Variants in PCDHGB7 observed in about 807,000 individuals in gnomAD.
PCDHGB7 encodes the protein protocadherin gamma-B7.
Under a neutral mutation model 61.4 loss-of-function variants are expected in PCDHGB7, and 37 were observed. The observed-to-expected ratio is 0.60, with a 90% CI of 0.46 to 0.79. The LOEUF (loss-of-function observed/expected upper bound fraction) is 0.79, where lower values mean the gene tolerates loss of function less well. Ranked by LOEUF, PCDHGB7 falls within the 30% of genes least tolerant of loss-of-function variation. The probability of loss-of-function intolerance (pLI) is 0.00; values close to 1 mark genes in which losing one functional copy is unlikely to be tolerated. For missense variants in PCDHGB7, 1,166 were observed against 1,202.5 expected, an observed-to-expected ratio of 0.97 and a Z score of 0.45; for synonymous variants, 464 against 503.5, an observed-to-expected ratio of 0.92 and a Z score of 1.05.
chr5:141,430,673 C>A, intron 1 of PCDHGB7: 1 of 1,288,318 alleles, frequency 7.8e-7, no homozygotes, highest in Non-Finnish European at 1.0e-6. Flanking sequence ...TCTGACTTCC[C>A]AACTGTCCCA....
intron 2 of PCDHGB7, among the ~76,000 whole-genome samples, chr5:141,500,775 T>C (rs1251282826): frequency 6.6e-6 from 1 of 152,218 alleles, no homozygotes; most frequent in Non-Finnish European, 1.5e-5. Context: ...CTTATGAATA[T>C]ACATATTATT....
At chr5:141,484,383 A>C (rs968059260) in intron 1 of PCDHGB7, among the ~76,000 whole-genome samples, 1 of 152,194 alleles carries the variant, frequency 6.6e-6, no homozygotes, top group Non-Finnish European at 1.5e-5. Context: ...ATGTCTGAAT[A>C]AGAAAGGTTT....
Position 141,417,801 on chromosome 5 carries a change from G to A in PCDHGB7, c.-59G>A, listed in dbSNP as rs368563336. ...CCTGGGCCGAATGCTCTTTTAGCGC[G>A]GTAGAGTGCACTTTCTCCAACTGGA... is the stretch of plus-strand genomic sequence containing the variant. On this transcript the variant is annotated 5_prime_UTR_variant, in exon 1 of 4. Transcript: ENST00000398594. 2 of 1,490,494 alleles carry A rather than the reference G, an allele frequency of 1.3e-6. No individual in the cohort carries two copies. Among genetic ancestry groups the A allele is most frequent in the South Asian group, 1.4e-5 (1 of 73,800 alleles). 92.3% of individuals were successfully genotyped at this position (1,490,494 alleles called of 1,614,324 possible).
At chr5:141,437,225 T>C (rs943242286) in intron 1 of PCDHGB7, among the ~76,000 whole-genome samples, 2 of 152,240 alleles carry the variant, frequency 1.3e-5, no homozygotes, top group Admixed American at 1.3e-4. Flanking sequence ...ATTCCAGTCA[T>C]AAAATTATGT....
At chr5:141,430,979 C>A (rs370494413) in intron 1 of PCDHGB7, 2 of 1,613,642 alleles carry the variant, frequency 1.2e-6, no homozygotes, top group Non-Finnish European at 1.7e-6. Context: ...TAGGACGCAG[C>A]TTTTCGCCCT....
At position 141,476,458 on chromosome 5, in the gene PCDHGB7, C is replaced by A. The variant is rs368153419; in HGVS notation, c.2416-18349C>A. Reference sequence around the variant, plus strand: ...TAACTCTGGAGTTGGTAGTGGAGAACCCGCTGGAGCTGTTCAGCGTGGAAG... The same window carrying A: ...TAACTCTGGAGTTGGTAGTGGAGAAACCGCTGGAGCTGTTCAGCGTGGAAG... On this transcript the variant is annotated intron_variant, in intron 1 of 3. Transcript: ENST00000398594. This position sits in a 1 kb window ranked among gnomAD's most constrained non-coding sequence, Gnocchi z 7.6. 1 of 1,613,928 alleles carries A rather than the reference C, an allele frequency of 6.2e-7. No individual in the cohort carries two copies. Among genetic ancestry groups the A allele is most frequent in the Non-Finnish European group, 8.5e-7 (1 of 1,180,022 alleles).
At chr5:141,455,789 G>A (rs966897617) in intron 1 of PCDHGB7, among the ~76,000 whole-genome samples, 56 of 152,058 alleles carry the variant, frequency 3.7e-4, no homozygotes, top group African/African-American at 1.3e-3. Context: ...AACTTTTCCG[G>A]AGATGCTTTA....
Position 141,420,006 on chromosome 5 carries a change from G to C in PCDHGB7, c.2147G>C (p.Arg716Pro), listed in dbSNP as rs2096458103. Residue 716 changes from arginine (R) to proline (P), a missense_variant, in exon 1 of 4, where the codon CGA becomes CCA. Coordinates refer to ENST00000398594, the MANE Select transcript of PCDHGB7 (RefSeq NM_018927.4). Reference sequence around the variant, plus strand: ...ATTCTAGCTATTGCTCTACGCCTGCGACAGTCTTTCAGCCCTACTGCAGGA... The same window carrying C: ...ATTCTAGCTATTGCTCTACGCCTGCCACAGTCTTTCAGCCCTACTGCAGGA... ...AVILAIALRL[R>P]QSFSPTAGDC... 2 of 1,613,934 alleles carry C rather than the reference G, an allele frequency of 1.2e-6. No individual in the cohort carries two copies. Among genetic ancestry groups the C allele is most frequent in the Admixed American group, 3.3e-5 (2 of 60,006 alleles).
intron 1 of PCDHGB7, chr5:141,423,228 C>T (rs1321708353): frequency 6.2e-7 from 1 of 1,613,748 alleles, no homozygotes; most frequent in Non-Finnish European, 8.5e-7. Flanking sequence ...CTGTGGCCGA[C>T]AGCATCCCCG....
rs745852942 is a variant in PCDHGB7, at chr5:141,419,311, C to G, written c.1452C>G (p.Asn484Lys). The change falls in exon 1 of 4, where the codon AAC becomes AAG. Residue 484 changes from asparagine (N) to lysine (K), a missense_variant. Transcript: ENST00000398594. Reference protein sequence around the residue: ...VSASDPDFGLNGRVSYSLIAS... With the variant: ...VSASDPDFGLKGRVSYSLIAS... ...CCTCTGACCCAGACTTCGGGCTCAA[C>G]GGCCGTGTCTCCTACTCTCTCATTG... 1 of 1,613,994 alleles carries G rather than the reference C, an allele frequency of 6.2e-7. No homozygotes were observed. Among genetic ancestry groups the G allele is most frequent in the Non-Finnish European group, 8.5e-7 (1 of 1,179,898 alleles).
intron 1 of PCDHGB7, chr5:141,441,810 C>T (rs2098275091): frequency 6.4e-5 from 24 of 372,574 alleles, no homozygotes; most frequent in Middle Eastern, 7.2e-4. Flanking sequence ...GGTGCTGTAC[C>T]CCAGCTCTGG....
chr5:141,494,914 A>G (rs906245656), intron 2 of PCDHGB7, 49 bp downstream of exon 2: 5 of 1,613,708 alleles, frequency 3.1e-6, no homozygotes, highest in Admixed American at 1.7e-5. Context: ...GCATTTTCTC[A>G]GGGATGACGT....
intron 1 of PCDHGB7, among the ~76,000 whole-genome samples, chr5:141,484,045 G>A (rs934525987): frequency 7.9e-5 from 12 of 152,026 alleles, no homozygotes; most frequent in African/African-American, 2.9e-4. Context: ...AGCTCCAAGA[G>A]GTCCCCTGGG....
chr5:141,423,551 A>T, intron 1 of PCDHGB7: 2 of 1,613,616 alleles, frequency 1.2e-6, no homozygotes, highest in Non-Finnish European at 1.7e-6. Context: ...CCCCAGCCCA[A>T]CTATGGGGAC....
chr5:141,488,186 G>T (rs1005725656), intron 1 of PCDHGB7, among the ~76,000 whole-genome samples: 2 of 152,180 alleles, frequency 1.3e-5, no homozygotes, highest in South Asian at 2.1e-4. Context: ...AGATCTTTTG[G>T]TCTGGGTCTT....
chr5:141,478,139 G>C, intron 1 of PCDHGB7: 15 of 1,614,040 alleles, frequency 9.3e-6, no homozygotes, highest in Non-Finnish European at 1.3e-5. Context: ...TGAAGCCCGA[G>C]CCGAGTTCCC....
chr5:141,476,046 C>T lies in PCDHGB7; in HGVS notation c.2416-18761C>T. 6.7e-7 allele frequency: 1 copy of T among 1,491,396 alleles called. No individual in the cohort carries two copies. Among genetic ancestry groups the T allele is most frequent in the Non-Finnish European group, 8.9e-7 (1 of 1,122,928 alleles). 92.4% of individuals were successfully genotyped at this position (1,491,396 alleles called of 1,614,324 possible). On this transcript the variant is annotated intron_variant, in intron 1 of 3. Coordinates refer to ENST00000398594, the MANE Select transcript of PCDHGB7 (RefSeq NM_018927.4). This position sits in a 1 kb window ranked among gnomAD's most constrained non-coding sequence, Gnocchi z 7.6. ...CGGCGCCCAGCGCCCAAGCGCTAAC[C>T]CGCTGAAAGTTTCTCAGCGAAATCT...
intron 2 of PCDHGB7, among the ~76,000 whole-genome samples, chr5:141,502,067 CCTTCACCTGGGG>C (rs1307097799): frequency 6.6e-6 from 1 of 152,172 alleles, no homozygotes; most frequent in Non-Finnish European, 1.5e-5. Flanking sequence ...CCATTAGCCC[CCTTCACCTGGGG>C]CTGAGAACAC....
intron 1 of PCDHGB7, among the ~76,000 whole-genome samples, chr5:141,437,064 G>T (rs1380953110): frequency 6.6e-6 from 1 of 152,170 alleles, no homozygotes; most frequent in Non-Finnish European, 1.5e-5. Flanking sequence ...ATCATTATTT[G>T]GTTTGGGCCA....
Sources: gnomAD v4.1 joint callset for allele counts (sites outside exome capture counted in the v4.1 genomes callset) on GRCh38, gnomAD v4.1.1 for gene constraint, Gnocchi (gnomAD v3.1) non-coding constraint, MANE v1.5 for transcripts, NCBI Gene and HGNC (gene_info 2026-07-23, HGNC 2026-07-21) for gene names.